CCDC144A: variants seen among roughly 807,000 people sequenced by gnomAD.
CCDC144A encodes the protein coiled-coil domain containing 144A, also known as coiled-coil domain-containing protein 144A.
A neutral mutation model predicts 143.8 loss-of-function variants in CCDC144A; 41 were observed. That is an observed-to-expected ratio of 0.29 (90% confidence interval 0.22 to 0.37). CCDC144A has a LOEUF of 0.37. Ranked by LOEUF, CCDC144A falls within the 10% of genes least tolerant of loss-of-function variation. CCDC144A has a pLI of 1.00. For synonymous variants in CCDC144A, 242 were observed against 517.9 expected, an observed-to-expected ratio of 0.47 and a Z score of 7.23; for missense variants, 637 against 1,488.8, an observed-to-expected ratio of 0.43 and a Z score of 9.41.
At chr17:16,728,310 T>C (rs2928636) in intron 9 of CCDC144A, among the ~76,000 whole-genome samples, 2 of 152,208 alleles carry the variant, frequency 1.3e-5, no homozygotes, top group Non-Finnish European at 2.9e-5. Flanking sequence ...AAATCATTAG[T>C]ATGACAGACA....
intron 2 of CCDC144A, among the ~76,000 whole-genome samples, chr17:16,701,785 C>T (rs1172088160): frequency 1.3e-5 from 2 of 150,834 alleles, no homozygotes; most frequent in South Asian, 2.1e-4. Flanking sequence ...TGCCACGTAA[C>T]GGGGAGGGTG....
chr17:16,702,146 G>C lies in CCDC144A; in HGVS notation c.416-3005G>C, dbSNP rs184575395. Among the ~76,000 whole-genome samples, 4 of 152,278 alleles carry C rather than the reference G, an allele frequency of 2.6e-5. No individual in the cohort carries two copies. In the East Asian group the frequency reaches 7.7e-4, roughly 29 times the overall value. On this transcript the variant is annotated intron_variant, in intron 2 of 16. Coordinates refer to ENST00000399273, the MANE Select transcript of CCDC144A (RefSeq NM_001382000.1). ...AAAATAATTTTGTTTTCACCAGAGA[G>C]AGTAACAACTGTTGGCACATTCTGG...
the CCDC144A span, among the ~76,000 whole-genome samples, chr17:16,679,312 C>G: frequency 6.6e-6 from 1 of 151,994 alleles, no homozygotes; most frequent in Non-Finnish European, 1.5e-5. Flanking sequence ...ATTTGTTTCT[C>G]TAAGGGACTT....
intron 12 of CCDC144A, among the ~76,000 whole-genome samples, chr17:16,759,071 C>T (rs1915236039): frequency 6.6e-6 from 1 of 152,182 alleles, no homozygotes; most frequent in African/African-American, 2.4e-5. Context: ...ACAGTCTTGG[C>T]TTCACCTTCA....
chr17:16,684,358 A>T, the CCDC144A span: 1 of 632,216 alleles, frequency 1.6e-6, no homozygotes, highest in Middle Eastern at 4.4e-4. Flanking sequence ...CATAATATAT[A>T]TTAAAACATA....
At chr17:16,757,230 A>T (rs1915133118) in intron 12 of CCDC144A, among the ~76,000 whole-genome samples, 4 of 152,262 alleles carry the variant, frequency 2.6e-5, no homozygotes, top group Non-Finnish European at 1.5e-5. Flanking sequence ...CCTTGGTAGC[A>T]TGCATGGGCA....
At chr17:16,670,313 A>G in the CCDC144A span, among the ~76,000 whole-genome samples, 1 of 136,352 alleles carries the variant, frequency 7.3e-6, no homozygotes, top group African/African-American at 2.7e-5. Context: ...TTTTTGACAG[A>G]GTCTGGCTCT....
chr17:16,690,478 C>T lies in CCDC144A; in HGVS notation c.78C>T (p.Thr26=), dbSNP rs1299438816. Reference sequence around the variant, plus strand: ...CGGCAGTCTACGCCACGAGGAAGACCCCTAGCGTCGGGAGCCAGGGGGACC... The same window carrying T: ...CGGCAGTCTACGCCACGAGGAAGACTCCTAGCGTCGGGAGCCAGGGGGACC... ...PKPAVYATRK[T]PSVGSQGDQW... The change falls in exon 1 of 17, where the codon ACC becomes ACT. Residue 26 remains threonine, a synonymous_variant. Coordinates refer to ENST00000399273, the MANE Select transcript of CCDC144A (RefSeq NM_001382000.1). 1.9e-6 allele frequency: 3 copies of T among 1,613,386 alleles called. No homozygotes were observed. The highest frequency in any genetic ancestry group is 2.5e-6 in the Non-Finnish European group (3 of 1,179,780).
chr17:16,683,543 C>T, the CCDC144A span: 2 of 1,578,386 alleles, frequency 1.3e-6, no homozygotes, highest in Non-Finnish European at 1.7e-6. Flanking sequence ...GCGGCAAGTC[C>T]GCGGTCTTTC....
At chr17:16,762,956 G>A (rs1184338412) in intron 14 of CCDC144A, among the ~76,000 whole-genome samples, 1 of 145,716 alleles carries the variant, frequency 6.9e-6, no homozygotes, top group Non-Finnish European at 1.5e-5. Flanking sequence ...GAAGACGACA[G>A]CTGAAAACAG....
chr17:16,700,634 G>C (rs1456626639), intron 2 of CCDC144A, among the ~76,000 whole-genome samples: 1 of 152,110 alleles, frequency 6.6e-6, no homozygotes, highest in Non-Finnish European at 1.5e-5. Context: ...TAAATTTTTG[G>C]TGTTATCTTA....
chr17:16,689,235 G>A (rs1442517200), upstream of CCDC144A, among the ~76,000 whole-genome samples: 5 of 150,746 alleles, frequency 3.3e-5, no homozygotes, highest in East Asian at 7.8e-4. Flanking sequence ...TTGCTCTGTC[G>A]CCCAGGCTGG....
chr17:16,700,066 TAATTCACTGAG>T (rs1478398119), intron 2 of CCDC144A, among the ~76,000 whole-genome samples: 8 of 152,180 alleles, frequency 5.3e-5, no homozygotes, highest in Non-Finnish European at 1.0e-4. Context: ...TGAGGTTTGG[TAATTCACTGAG>T]AAGGACTCAC....
At chr17:16,726,658 G>A (rs1488829249) in intron 8 of CCDC144A, among the ~76,000 whole-genome samples, 3 of 151,954 alleles carry the variant, frequency 2.0e-5, no homozygotes, top group South Asian at 2.1e-4. Context: ...TCTTTCCAGT[G>A]TTTTTTAGAT....
upstream of CCDC144A, among the ~76,000 whole-genome samples, chr17:16,689,253 T>C (rs1910905419): frequency 1.3e-5 from 2 of 152,088 alleles, no homozygotes. Context: ...TGGAGTTTGG[T>C]GGCACGATAT....
Position 16,711,152 on chromosome 17 carries a change from A to C in CCDC144A, c.1579-527A>C, listed in dbSNP as rs1200269798. 1.9e-4 allele frequency among the ~76,000 whole-genome samples: 27 copies of C among 141,422 alleles called. 2 individuals carry two copies. Among genetic ancestry groups the C allele is most frequent in the African/African-American group, 5.3e-4 (20 of 37,960 alleles). The allele number at this position is 141,422 out of a possible 152,430, so 92.8% of individuals were successfully genotyped here. On this transcript the variant is annotated intron_variant, in intron 5 of 16. Transcript: ENST00000399273. ...GATTCAAATGAAAAAAAAAAAAAAA[A>C]AAAAAACAAAAGTTAGTGGGGGAAA...
intron 5 of CCDC144A, among the ~76,000 whole-genome samples, chr17:16,710,911 C>T (rs1912367868): frequency 6.7e-6 from 1 of 149,266 alleles, no homozygotes; most frequent in Non-Finnish European, 1.5e-5. Flanking sequence ...TCATTTTAAT[C>T]TTTTTTGGCT....
chr17:16,712,034 G>A (rs1912480512), intron 6 of CCDC144A: 1 of 635,650 alleles, frequency 1.6e-6, no homozygotes, highest in African/African-American at 1.9e-5. Flanking sequence ...GGAGGCTGAG[G>A]CAAGAGAATC....
At chr17:16,719,265 T>G (rs534255774) in intron 6 of CCDC144A, among the ~76,000 whole-genome samples, 7 of 152,170 alleles carry the variant, frequency 4.6e-5, no homozygotes, top group Non-Finnish European at 1.0e-4. Flanking sequence ...ATTTATTTGT[T>G]GAACGGGTGA....
Sources: gnomAD v4.1 joint callset for allele counts (sites outside exome capture counted in the v4.1 genomes callset) on GRCh38, gnomAD v4.1.1 for gene constraint, MANE v1.5 for transcripts, NCBI Gene and HGNC (gene_info 2026-07-23, HGNC 2026-07-21) for gene names.